FBXO34: variants seen among roughly 807,000 people sequenced by gnomAD.
FBXO34 encodes the protein F-box only protein 34.
Under a neutral mutation model 24.5 loss-of-function variants are expected in FBXO34, and 12 were observed. The observed-to-expected ratio is 0.49, with a 90% CI of 0.31 to 0.79. FBXO34 has a LOEUF of 0.79. Among genes scored for constraint, FBXO34 ranks in the 30% least tolerant of loss-of-function variants. FBXO34 has a pLI of 0.04. For synonymous variants in FBXO34, 320 were observed against 311.9 expected, an observed-to-expected ratio of 1.03 and a Z score of -0.27; for missense variants, 823 against 857.7, an observed-to-expected ratio of 0.96 and a Z score of 0.51.
chr14:55,380,918 T>C, the FBXO34 span, among the ~76,000 whole-genome samples: 4 of 141,848 alleles, frequency 2.8e-5, no homozygotes, highest in African/African-American at 1.1e-4. Context: ...ACAGAGCAAA[T>C]GGGCCTAAAT....
chr14:55,335,141 A>G (rs140840059), intron 1 of FBXO34, among the ~76,000 whole-genome samples: 6 of 152,274 alleles, frequency 3.9e-5, no homozygotes, highest in Non-Finnish European at 8.8e-5. Context: ...TAGTCAAAGG[A>G]GTTCCTTAGC....
intron 1 of FBXO34, among the ~76,000 whole-genome samples, chr14:55,313,739 G>A (rs184602904): frequency 4.4e-4 from 67 of 152,242 alleles, no homozygotes; most frequent in Middle Eastern, 3.4e-3. Flanking sequence ...ATCAGATCTC[G>A]TGAGAACTGA....
chr14:55,380,651 G>A, the FBXO34 span: 22 of 1,612,372 alleles, frequency 1.4e-5, no homozygotes, highest in East Asian at 2.2e-5. Flanking sequence ...ATAGCACAGC[G>A]CAGCACTGAT....
rs1279521422 is a variant in FBXO34, at chr14:55,331,734, T to G, written c.-10-18647T>G. 4.5e-5 allele frequency among the ~76,000 whole-genome samples: 2 copies of G among 44,728 alleles called. 1 individual carries two copies. The highest frequency in any genetic ancestry group is 8.1e-4 in the East Asian group (2 of 2,484). 29.3% of individuals were successfully genotyped at this position (44,728 alleles called of 152,430 possible). A position where few individuals can be genotyped will look rare whatever the true frequency, so the allele number is the denominator to read the frequency against. ...ATATATATGTATATATATATGTATA[T>G]ATATATGTGTGTATATATATATATA... On this transcript the variant is annotated intron_variant, in intron 1 of 1. Coordinates refer to ENST00000313833, the MANE Select transcript of FBXO34 (RefSeq NM_017943.4).
chr14:55,432,754 G>C, the FBXO34 span, among the ~76,000 whole-genome samples: 1 of 152,188 alleles, frequency 6.6e-6, no homozygotes. Context: ...CAACTTTTCA[G>C]GAGGAGAATT....
At chr14:55,373,611 C>T (rs1240385466), downstream of FBXO34, among the ~76,000 whole-genome samples, 1 of 152,094 alleles carries the variant, frequency 6.6e-6, no homozygotes, top group Non-Finnish European at 1.5e-5. Context: ...AGGCACCCGC[C>T]ACCACGCCCA....
intron 1 of FBXO34, among the ~76,000 whole-genome samples, chr14:55,318,810 C>T (rs1290794682): frequency 6.6e-6 from 1 of 152,228 alleles, no homozygotes; most frequent in East Asian, 1.9e-4. Context: ...AGTTGCCCAT[C>T]AGTAGCTGGA....
chr14:55,371,336 A>G (rs556040202), downstream of FBXO34, among the ~76,000 whole-genome samples: 1 of 152,242 alleles, frequency 6.6e-6, no homozygotes, highest in East Asian at 1.9e-4. Flanking sequence ...CCGTTGACTC[A>G]CTTTTTACAG....
chr14:55,409,621 C>T, the FBXO34 span, among the ~76,000 whole-genome samples: 1 of 151,490 alleles, frequency 6.6e-6, no homozygotes, highest in East Asian at 1.9e-4. Context: ...TCCTGGCTGT[C>T]TAAATACCAC....
At chr14:55,306,030 A>G (rs1278582219) in intron 1 of FBXO34, among the ~76,000 whole-genome samples, 2 of 152,232 alleles carry the variant, frequency 1.3e-5, no homozygotes, top group Admixed American at 6.5e-5. Flanking sequence ...TTTACATTCT[A>G]TCTTAAAGGC....
At chr14:55,286,906 CTT>C (rs34073592) in intron 1 of FBXO34, among the ~76,000 whole-genome samples, 10 of 125,386 alleles carry the variant, frequency 8.0e-5, no homozygotes, top group Admixed American at 8.2e-5. Flanking sequence ...GTTTCATTTA[CTT>C]TTTTTTTTTT....
chr14:55,283,764 A>G (rs1314277620), intron 1 of FBXO34, among the ~76,000 whole-genome samples: 3 of 152,168 alleles, frequency 2.0e-5, no homozygotes, highest in Non-Finnish European at 4.4e-5. Context: ...CCCAGCCAAG[A>G]ATTTATTCTT....
chr14:55,308,534 G>T (rs72715782), intron 1 of FBXO34, among the ~76,000 whole-genome samples: 1,698 of 152,264 alleles, frequency 0.011, 14 homozygotes, highest in Middle Eastern at 0.027. Context: ...AAACTGAGGT[G>T]CACACAGAAA....
chr14:55,380,949 TA>T, the FBXO34 span, among the ~76,000 whole-genome samples: 1 of 148,994 alleles, frequency 6.7e-6, no homozygotes, highest in Non-Finnish European at 1.5e-5. Context: ...TAAATGAAAT[TA>T]AAGTCTGACC....
chr14:55,310,864 C>T (rs570231973), intron 1 of FBXO34, among the ~76,000 whole-genome samples: 7 of 152,064 alleles, frequency 4.6e-5, no homozygotes, highest in African/African-American at 7.2e-5. Context: ...GATGTGATAG[C>T]GTTTTCTTAT....
At chr14:55,393,163 C>T in the FBXO34 span, among the ~76,000 whole-genome samples, 22 of 152,194 alleles carry the variant, frequency 1.4e-4, no homozygotes, top group South Asian at 2.1e-4. Context: ...GGGCGGATCA[C>T]GAGGTCAGGA....
the FBXO34 span, chr14:55,391,280 CCT>C: frequency 4.6e-6 from 1 of 218,454 alleles, no homozygotes; most frequent in Non-Finnish European, 9.0e-6. Flanking sequence ...TCAAGACCAT[CCT>C]GGCCAACATG....
chr14:55,281,991 CTTTTTTTTTTTTTT>C (rs372305828), intron 1 of FBXO34, among the ~76,000 whole-genome samples: 1 of 65,162 alleles, frequency 1.5e-5, no homozygotes, highest in African/African-American at 7.6e-5. Flanking sequence ...TTAAATTTAG[CTTTTTTTTTTTTTT>C]TTTTTTTTTT....
At chr14:55,424,314 T>G in the FBXO34 span, 1 of 1,086,216 alleles carries the variant, frequency 9.2e-7, no homozygotes, top group Non-Finnish European at 1.4e-6. Flanking sequence ...TCCCATAACA[T>G]GTAAGGCCCA....
Sources: allele counts gnomAD v4.1 joint callset (sites outside exome capture counted in the v4.1 genomes callset), GRCh38; gene constraint gnomAD v4.1.1; transcripts MANE v1.5; gene names NCBI Gene and HGNC (gene_info 2026-07-23, HGNC 2026-07-21).